CCDC178: variants seen among roughly 807,000 people sequenced by gnomAD.
The protein encoded by CCDC178 is coiled-coil domain-containing protein 178.
Under a neutral mutation model 117.4 loss-of-function variants are expected in CCDC178, and 126 were observed. The ratio of observed to expected loss-of-function variants is 1.07; its 90% CI spans 0.93 to 1.24. The LOEUF (loss-of-function observed/expected upper bound fraction) is 1.24. Ranked by LOEUF, CCDC178 falls within the 50% of genes most tolerant of loss-of-function variation. CCDC178 has a pLI of 0.00. For missense variants in CCDC178, 1,030 were observed against 986.9 expected, an observed-to-expected ratio of 1.04 and a Z score of -0.59; for synonymous variants, 283 against 313.4, an observed-to-expected ratio of 0.90 and a Z score of 1.02.
intron 6 of CCDC178, among the ~76,000 whole-genome samples, chr18:33,358,533 TA>T (rs1311403287): frequency 1.3e-5 from 2 of 151,864 alleles, no homozygotes; most frequent in Non-Finnish European, 2.9e-5. Context: ...GGCTGATTTA[TA>T]AGAAATGACT....
intron 20 of CCDC178, among the ~76,000 whole-genome samples, chr18:33,176,691 T>C (rs2058668014): frequency 6.6e-6 from 1 of 152,200 alleles, no homozygotes; most frequent in Non-Finnish European, 1.5e-5. Flanking sequence ...AACTCTATCA[T>C]TTCAATTACT....
At chr18:33,148,465 G>C (rs141154191) in intron 20 of CCDC178, among the ~76,000 whole-genome samples, 2,038 of 151,540 alleles carry the variant, frequency 0.013, 53 homozygotes, top group African/African-American at 0.047. Flanking sequence ...GAGGGAGACC[G>C]TGGGGAGAGG....
chr18:33,117,968 A>G (rs556889841), intron 20 of CCDC178, among the ~76,000 whole-genome samples: 2 of 152,150 alleles, frequency 1.3e-5, no homozygotes, highest in South Asian at 4.2e-4. Context: ...TAGCAGCCCA[A>G]TTTCCCCAGG....
intron 20 of CCDC178, among the ~76,000 whole-genome samples, chr18:33,108,613 T>C (rs964716449): frequency 5.3e-5 from 8 of 151,646 alleles, no homozygotes; most frequent in African/African-American, 1.9e-4. Flanking sequence ...TTGTTGATTA[T>C]ATTTTAAAGG....
chr18:33,397,080 A>T (rs2063648202), intron 4 of CCDC178, 69 bp downstream of exon 4: 1 of 1,004,182 alleles, frequency 1.0e-6, no homozygotes, highest in South Asian at 1.4e-5. Flanking sequence ...CATGCTTATA[A>T]TTTTTTGAAA....
intron 6 of CCDC178, among the ~76,000 whole-genome samples, chr18:33,365,874 A>C (rs4621052): frequency 0.44 from 66,752 of 151,948 alleles, 16,098 homozygotes; most frequent in African/African-American, 0.65. Flanking sequence ...GAAGATATTC[A>C]GATGATTATT....
chr18:33,258,076 CTTAA>C (rs566695917), intron 14 of CCDC178, among the ~76,000 whole-genome samples: 1 of 151,222 alleles, frequency 6.6e-6, no homozygotes, highest in South Asian at 2.1e-4. Context: ...ATCTATATGT[CTTAA>C]TTATTATATT....
chr18:33,014,725 T>C (rs919639354), intron 21 of CCDC178, among the ~76,000 whole-genome samples: 2 of 152,176 alleles, frequency 1.3e-5, no homozygotes, highest in Non-Finnish European at 2.9e-5. Context: ...TTTGTCAAAT[T>C]ACTAGTCTGT....
At chr18:32,965,590 T>A (rs2054794092) in intron 22 of CCDC178, among the ~76,000 whole-genome samples, 1 of 151,882 alleles carries the variant, frequency 6.6e-6, no homozygotes, top group African/African-American at 2.4e-5. Flanking sequence ...TAGTGCTATA[T>A]CATGAACAAC....
At chr18:33,343,069 T>A (rs908511280) in intron 9 of CCDC178, among the ~76,000 whole-genome samples, 2 of 152,160 alleles carry the variant, frequency 1.3e-5, no homozygotes, top group African/African-American at 4.8e-5. Flanking sequence ...CCAAATTATG[T>A]CTACATACTA....
intron 20 of CCDC178, among the ~76,000 whole-genome samples, chr18:33,117,203 CAGA>C (rs574228120): frequency 5.7e-4 from 87 of 152,160 alleles, no homozygotes; most frequent in Non-Finnish European, 1.1e-3. Flanking sequence ...GTCACCTCTG[CAGA>C]AGAAGATTTT....
Position 33,188,297 on chromosome 18 carries a change from G to T in CCDC178, c.2238+23599C>A, listed in dbSNP as rs1028255502. ...TTATGGTACTCAAAATTTTAAAGAT[G>T]TCCCTCTAAGATTTCCATCTTAGGC... On this transcript the variant is annotated intron_variant, in intron 20 of 22. Coordinates refer to ENST00000383096, the MANE Select transcript of CCDC178 (RefSeq NM_001105528.4). 3.3e-5 allele frequency among the ~76,000 whole-genome samples: 5 copies of T among 152,156 alleles called. No individual in the cohort carries two copies. In the South Asian group the frequency reaches 1.0e-3, roughly 32 times the overall value.
At position 33,279,975 on chromosome 18, in the gene CCDC178, A is replaced by G. The variant is rs1285254732; in HGVS notation, c.1177-12678T>C. Among the ~76,000 whole-genome samples, 7 of 152,080 alleles carry G rather than the reference A, an allele frequency of 4.6e-5. No individual in the cohort carries two copies. The South Asian group carries it at 8.3e-4, about 18-fold the overall frequency. On this transcript the variant is annotated intron_variant, in intron 12 of 22. Coordinates refer to ENST00000383096, the MANE Select transcript of CCDC178 (RefSeq NM_001105528.4). ...TTAAAGACGGATTAAAGACTTAAAT[A>G]TTAGACCTAAAACCATAAAAACCCT...
chr18:33,101,444 G>A (rs866745586), intron 20 of CCDC178, among the ~76,000 whole-genome samples: 4 of 151,724 alleles, frequency 2.6e-5, no homozygotes, highest in Middle Eastern at 3.4e-3. Context: ...CTTCACTGGC[G>A]GAAAAGGCTG....
intron 14 of CCDC178, among the ~76,000 whole-genome samples, chr18:33,250,565 A>G (rs1297207921): frequency 6.6e-6 from 1 of 151,818 alleles, no homozygotes; most frequent in Non-Finnish European, 1.5e-5. Flanking sequence ...AGATAATAAA[A>G]GAAAACAATT....
At chr18:33,352,200 T>C (rs1441085719) in intron 7 of CCDC178, among the ~76,000 whole-genome samples, 3 of 152,188 alleles carry the variant, frequency 2.0e-5, no homozygotes, top group Non-Finnish European at 1.5e-5. Context: ...TTATTTAGTT[T>C]GTTGATACCC....
At position 33,167,380 on chromosome 18, in the gene CCDC178, A is replaced by G. The variant is rs556846243; in HGVS notation, c.2238+44516T>C. Among the ~76,000 whole-genome samples, 15 of 152,318 alleles carry G rather than the reference A, an allele frequency of 9.8e-5. No individual in the cohort carries two copies. The East Asian group carries it at 2.9e-3, about 29-fold the overall frequency. On this transcript the variant is annotated intron_variant, in intron 20 of 22. Coordinates refer to ENST00000383096, the MANE Select transcript of CCDC178 (RefSeq NM_001105528.4). ...GGCTGAACTAATTTACAGTCCCACC[A>G]GCCGTGCATAAGTATTCCCTTTTCT...
At chr18:33,264,973 G>A (rs1249554834) in intron 14 of CCDC178, among the ~76,000 whole-genome samples, 2 of 151,998 alleles carry the variant, frequency 1.3e-5, no homozygotes, top group Non-Finnish European at 2.9e-5. Flanking sequence ...CTCAAGATGA[G>A]TGTCCTTATT....
intron 17 of CCDC178, 58 bp downstream of exon 17, chr18:33,224,717 G>C (rs77014111): frequency 9.1e-7 from 1 of 1,102,952 alleles, no homozygotes; most frequent in Non-Finnish European, 1.2e-6. Context: ...AATCACATGC[G>C]TAACTTACTA....
Sources: allele counts gnomAD v4.1 joint callset (sites outside exome capture counted in the v4.1 genomes callset), GRCh38; gene constraint gnomAD v4.1.1; transcripts MANE v1.5; gene names NCBI Gene and HGNC (gene_info 2026-07-23, HGNC 2026-07-21).